CTTNBP2: variants seen among roughly 807,000 people sequenced by gnomAD.
CTTNBP2 encodes cortactin-binding protein 2.
Under a neutral mutation model 156.9 loss-of-function variants are expected in CTTNBP2, and 108 were observed. The ratio of observed to expected loss-of-function variants is 0.69; its 90% CI spans 0.59 to 0.81. The LOEUF (loss-of-function observed/expected upper bound fraction) is 0.81, where lower values mean the gene tolerates loss of function less well. Among genes scored for constraint, CTTNBP2 ranks in the 30% least tolerant of loss-of-function variants. The pLI is 0.00. For missense variants in CTTNBP2, 1,924 were observed against 2,035.4 expected (o/e 0.95, Z 1.05); for synonymous variants, 767 against 751.8 (o/e 1.02, Z -0.33).
intron 1 of CTTNBP2, among the ~76,000 whole-genome samples, chr7:117,866,374 T>A (rs1804199901): frequency 6.6e-6 from 1 of 152,190 alleles, no homozygotes; most frequent in South Asian, 2.1e-4. Flanking sequence ...TGAGCCACAA[T>A]GGCAGAGACA....
intron 2 of CTTNBP2, among the ~76,000 whole-genome samples, chr7:117,836,426 T>C (rs1051362218): frequency 6.6e-6 from 1 of 152,002 alleles, no homozygotes; most frequent in Non-Finnish European, 1.5e-5. Flanking sequence ...TAGCCAGGCG[T>C]GGTGGTGGGC....
intron 14 of CTTNBP2, among the ~76,000 whole-genome samples, chr7:117,740,910 C>G (rs1340984817): frequency 6.6e-6 from 1 of 152,160 alleles, no homozygotes; most frequent in Non-Finnish European, 1.5e-5. Flanking sequence ...CAGCATGGGT[C>G]CTACTGAGAA....
chr7:117,791,767 T>C lies in CTTNBP2; in HGVS notation c.1429A>G (p.Thr477Ala), dbSNP rs370391886. 2.8e-5 allele frequency: 45 copies of C among 1,614,096 alleles called. 1 individual carries two copies. Among genetic ancestry groups the C allele is most frequent in the South Asian group, 1.4e-4 (13 of 91,096 alleles). ...QSPPSRDVSP[T>A]SRDNLVAKQL... ...TTGGCCACTAGGTTGTCACGACTTG[T>C]AGGCGAGACATCTCTTGACGGAGGA... Residue 477 changes from threonine (T) to alanine (A), a missense_variant, in exon 4 of 23, where the codon ACA (threonine) becomes GCA (alanine). Coordinates refer to ENST00000160373, the MANE Select transcript of CTTNBP2 (RefSeq NM_033427.3).
chr7:117,867,485 G>T (rs555697825), intron 1 of CTTNBP2, among the ~76,000 whole-genome samples: 8 of 152,046 alleles, frequency 5.3e-5, no homozygotes, highest in African/African-American at 1.9e-4. Context: ...TACTAGATGT[G>T]TCAGGACAGT....
intron 12 of CTTNBP2, among the ~76,000 whole-genome samples, chr7:117,749,786 T>G (rs1312703741): frequency 6.6e-6 from 1 of 152,054 alleles, no homozygotes; most frequent in Non-Finnish European, 1.5e-5. Context: ...AGGCCTCACA[T>G]AAATGGGCCT....
At chr7:117,836,656 G>A (rs1339983908) in intron 2 of CTTNBP2, among the ~76,000 whole-genome samples, 2 of 152,152 alleles carry the variant, frequency 1.3e-5, no homozygotes, top group Non-Finnish European at 2.9e-5. Context: ...TACCTTAAGC[G>A]TCTGTATTAG....
intron 3 of CTTNBP2, among the ~76,000 whole-genome samples, chr7:117,793,005 T>C (rs1356594805): frequency 2.0e-5 from 3 of 152,108 alleles, no homozygotes; most frequent in African/African-American, 7.2e-5. Context: ...ATTACAACAA[T>C]AGAGAATTTT....
chr7:117,772,026 G>A (rs1303417235), intron 8 of CTTNBP2, among the ~76,000 whole-genome samples: 2 of 152,328 alleles, frequency 1.3e-5, no homozygotes, highest in Middle Eastern at 3.4e-3. Flanking sequence ...GAAGGAGACA[G>A]AAGTGTGCCT....
chr7:117,711,424 A>G lies in CTTNBP2; in HGVS notation c.*113T>C. On this transcript the variant is annotated 3_prime_UTR_variant, in exon 23 of 23. Transcript: ENST00000160373. ...AAAATTGAATAGTGGTCCCGCACTC[A>G]TAATTTATATTACAGTGAAAACATT... 1 of 1,233,784 alleles carries G rather than the reference A, an allele frequency of 8.1e-7. No individual in the cohort carries two copies. 76.4% of individuals were successfully genotyped at this position (1,233,784 alleles called of 1,614,324 possible).
rs74376463 is a variant in CTTNBP2 at position 117,771,639 on chromosome 7, C to T, written c.2779-4463G>A. Among the ~76,000 whole-genome samples the T allele has an allele frequency of 2.2e-3, 332 of 152,274 alleles. 1 individual carries two copies. The highest frequency in any genetic ancestry group is 7.6e-3 in the African/African-American group (314 of 41,544). On this transcript the variant is annotated intron_variant, in intron 8 of 22. Transcript: ENST00000160373. ...ACGCTGGAAAGGACAAGAGTGACAG[C>T]AAGGAGACCAGTTAAGAAAAATACA...
At chr7:117,810,702 G>T in intron 3 of CTTNBP2, 63 bp downstream of exon 3, 2 of 1,300,028 alleles carry the variant, frequency 1.5e-6, no homozygotes, top group Non-Finnish European at 2.2e-6. Flanking sequence ...AAACAACTTT[G>T]GAGGTGATCT....
At chr7:117,799,368 T>C (rs1409980212) in intron 3 of CTTNBP2, among the ~76,000 whole-genome samples, 1 of 151,894 alleles carries the variant, frequency 6.6e-6, no homozygotes, top group Non-Finnish European at 1.5e-5. Context: ...TGAAAATCAA[T>C]CTGTGTAACT....
chr7:117,861,752 T>C (rs1803769864), intron 1 of CTTNBP2, among the ~76,000 whole-genome samples: 1 of 151,914 alleles, frequency 6.6e-6, no homozygotes, highest in African/African-American at 2.4e-5. Context: ...CCAATAATAA[T>C]AGGTCATGCT....
At chr7:117,834,621 T>C (rs985431727) in intron 2 of CTTNBP2, among the ~76,000 whole-genome samples, 1 of 152,198 alleles carries the variant, frequency 6.6e-6, no homozygotes. Context: ...AGAATTCTAG[T>C]AAATACATAA....
chr7:117,826,673 C>T (rs1000015175), intron 2 of CTTNBP2, among the ~76,000 whole-genome samples: 1 of 151,916 alleles, frequency 6.6e-6, no homozygotes, highest in Non-Finnish European at 1.5e-5. Context: ...CTTATCAACA[C>T]TTGTGACATT....
At chr7:117,720,341 C>T (rs1794712788) in intron 20 of CTTNBP2, among the ~76,000 whole-genome samples, 1 of 152,112 alleles carries the variant, frequency 6.6e-6, no homozygotes, top group East Asian at 1.9e-4. Flanking sequence ...CCAAATCATC[C>T]TTTATACCTT....
rs772979034 is a variant in CTTNBP2, at chr7:117,746,086, T to C, written c.3362A>G (p.His1121Arg). ...TTCTGGGCCGTGGAAAATGACATTA[T>C]GATATTGCTCAACCTATTAACAAAC... is the stretch of plus-strand genomic sequence containing the variant. The part of the protein sequence containing the change: ...QNYLRLVEQY[H>R]NVIFHGPEGS... The change falls in exon 13 of 23, where the codon CAT becomes CGT. Residue 1121 changes from histidine (H) to arginine (R), a missense_variant. His to Arg is a conservative substitution (Grantham distance 29). Coordinates refer to ENST00000160373, the MANE Select transcript of CTTNBP2 (RefSeq NM_033427.3). 9.9e-6 allele frequency: 16 copies of C among 1,613,624 alleles called. No homozygotes were observed. The highest frequency in any genetic ancestry group is 1.4e-5 in the Non-Finnish European group (16 of 1,179,612).
intron 22 of CTTNBP2, among the ~76,000 whole-genome samples, chr7:117,714,779 A>C (rs1794248785): frequency 6.6e-6 from 1 of 152,222 alleles, no homozygotes; most frequent in South Asian, 2.1e-4. Context: ...ACAGCAATTC[A>C]AGGCCAGGAG....
At chr7:117,847,218 A>T (rs1355247853) in intron 2 of CTTNBP2, among the ~76,000 whole-genome samples, 6 of 151,954 alleles carry the variant, frequency 3.9e-5, no homozygotes, top group Admixed American at 3.9e-4. Flanking sequence ...CAATAAAGAG[A>T]GTTGGAAAGT....
Sources: allele counts gnomAD v4.1 joint callset (sites outside exome capture counted in the v4.1 genomes callset), GRCh38; gene constraint gnomAD v4.1.1; transcripts MANE v1.5; gene names NCBI Gene and HGNC (gene_info 2026-07-23, HGNC 2026-07-21).